The following GRM3 variants were observed in gnomAD, a reference collection of about 807,000 sequenced individuals.
GRM3 encodes metabotropic glutamate receptor 3.
A neutral mutation model predicts 70.5 loss-of-function variants in GRM3; 26 were observed. The ratio of observed to expected loss-of-function variants is 0.37; its 90% CI spans 0.27 to 0.51. GRM3 has a LOEUF of 0.51. GRM3 is among the 20% of genes least tolerant of loss of function. The pLI, the probability that GRM3 is intolerant of heterozygous loss-of-function variation, is 0.93. For synonymous variants in GRM3, 443 were observed against 434.9 expected, an observed-to-expected ratio of 1.02 and a Z score of -0.23; for missense variants, 859 against 1,123.8, an observed-to-expected ratio of 0.76 and a Z score of 3.37.
At chr7:86,722,442 A>T (rs1186888361) in intron 1 of GRM3, among the ~76,000 whole-genome samples, 1 of 152,076 alleles carries the variant, frequency 6.6e-6, no homozygotes, top group Admixed American at 6.6e-5. Context: ...ATGAGTTAAT[A>T]TCCTTTGCAG....
chr7:86,818,184 A>T (rs1798053448), intron 3 of GRM3, among the ~76,000 whole-genome samples: 1 of 152,080 alleles, frequency 6.6e-6, no homozygotes, highest in Non-Finnish European at 1.5e-5. Context: ...TTGTTCATTC[A>T]TAATGCAATT....
chr7:86,799,972 A>G (rs1464888903), intron 3 of GRM3, among the ~76,000 whole-genome samples: 1 of 152,188 alleles, frequency 6.6e-6, no homozygotes, highest in Non-Finnish European at 1.5e-5. Flanking sequence ...CTTGCATGCC[A>G]GAAGATTAAG....
intron 1 of GRM3, among the ~76,000 whole-genome samples, chr7:86,689,193 A>C (rs1239705003): frequency 6.6e-6 from 1 of 151,688 alleles, no homozygotes; most frequent in Non-Finnish European, 1.5e-5. Flanking sequence ...ATAAAATTAA[A>C]ATCTAAAGAT....
chr7:86,825,554 G>A (rs1030733430), intron 3 of GRM3, among the ~76,000 whole-genome samples: 4 of 152,124 alleles, frequency 2.6e-5, no homozygotes, highest in South Asian at 4.1e-4. Flanking sequence ...TTCTCTTTAC[G>A]TGATAGTACA....
chr7:86,644,571 C>T lies in GRM3; in HGVS notation c.-442C>T, dbSNP rs1013485467. Reference sequence around the variant, plus strand: ...CTCCTCCCTCTCTTCTACTCCACCCCTCCGTTTTCCCACTCCCCACTGACT... The same window carrying T: ...CTCCTCCCTCTCTTCTACTCCACCCTTCCGTTTTCCCACTCCCCACTGACT... On this transcript the variant is annotated 5_prime_UTR_variant, in exon 1 of 6. Transcript: ENST00000361669. 7.4e-6 allele frequency: 3 copies of T among 404,050 alleles called. No homozygotes were observed. The highest frequency in any genetic ancestry group is 6.1e-5 in the African/African-American group (3 of 48,910). 25.0% of individuals were successfully genotyped at this position (404,050 alleles called of 1,614,324 possible). A position where few individuals can be genotyped will look rare whatever the true frequency, so the allele number is the denominator to read the frequency against.
intron 5 of GRM3, among the ~76,000 whole-genome samples, chr7:86,856,661 T>C (rs1343653665): frequency 6.6e-6 from 1 of 152,108 alleles, no homozygotes; most frequent in Non-Finnish European, 1.5e-5. Context: ...TTTACTCCCT[T>C]TGTCATTGTC....
At chr7:86,726,683 A>G (rs1041916080) in intron 1 of GRM3, among the ~76,000 whole-genome samples, 2 of 152,154 alleles carry the variant, frequency 1.3e-5, no homozygotes, top group African/African-American at 4.8e-5. Flanking sequence ...CCTCATCTCA[A>G]ATAAGTTACT....
intron 3 of GRM3, among the ~76,000 whole-genome samples, chr7:86,835,153 AT>A (rs1279230277): frequency 3.3e-4 from 50 of 152,108 alleles, no homozygotes; most frequent in African/African-American, 1.1e-3. Flanking sequence ...GTATCAGGGG[AT>A]TTAATATATG....
intron 1 of GRM3, among the ~76,000 whole-genome samples, chr7:86,687,662 A>G (rs1794598289): frequency 6.6e-6 from 1 of 151,926 alleles, no homozygotes; most frequent in Admixed American, 6.6e-5. Context: ...TCATAGACAT[A>G]TAGAACTTTA....
intron 1 of GRM3, among the ~76,000 whole-genome samples, chr7:86,723,114 T>G (rs1795510819): frequency 6.6e-6 from 1 of 152,110 alleles, no homozygotes; most frequent in South Asian, 2.1e-4. Context: ...AATTAATAGA[T>G]AATATAGAAA....
chr7:86,761,703 A>T (rs1350510462), intron 1 of GRM3, among the ~76,000 whole-genome samples: 1 of 152,140 alleles, frequency 6.6e-6, no homozygotes, highest in Non-Finnish European at 1.5e-5. Flanking sequence ...AAACTGATAG[A>T]CACTGTTGCC....
rs1798386381 is a variant in GRM3, at chr7:86,833,108, GACTTA to G, written c.1325-5726_1325-5722del. 3 of 981,602 alleles carry G rather than the reference GACTTA, an allele frequency of 3.1e-6. No individual in the cohort carries two copies. The South Asian group carries it at 1.4e-4, about 46-fold the overall frequency. The allele number at this position is 981,602 out of a possible 1,614,324, so 60.8% of individuals were successfully genotyped here. A position where few individuals can be genotyped will look rare whatever the true frequency, so the allele number is the denominator to read the frequency against. ...CTGATGATGCTTACTCCCATGGTGA[GACTTA>G]ACTTGAGAAACAGCAAATTCCCTGG... On this transcript the variant is annotated intron_variant, in intron 3 of 5. Transcript: ENST00000361669.
intron 5 of GRM3, among the ~76,000 whole-genome samples, chr7:86,855,925 CATGACACT>C (rs1798837683): frequency 6.6e-6 from 1 of 152,188 alleles, no homozygotes; most frequent in African/African-American, 2.4e-5. Flanking sequence ...GGGAACCCCA[CATGACACT>C]ATGTACTAGC....
chr7:86,859,839 A>G (rs1245926028), intron 5 of GRM3, among the ~76,000 whole-genome samples: 1 of 152,206 alleles, frequency 6.6e-6, no homozygotes, highest in African/African-American at 2.4e-5. Flanking sequence ...CCCATGCATT[A>G]CTGGTGGAAG....
chr7:86,793,548 G>A (rs1797476122), intron 3 of GRM3, among the ~76,000 whole-genome samples: 2 of 152,178 alleles, frequency 1.3e-5, no homozygotes, highest in South Asian at 4.1e-4. Flanking sequence ...TAAATATCCT[G>A]TACTTCTTTC....
At chr7:86,764,550 G>T (rs1041437686) in intron 1 of GRM3, among the ~76,000 whole-genome samples, 3 of 152,030 alleles carry the variant, frequency 2.0e-5, no homozygotes, top group Non-Finnish European at 4.4e-5. Flanking sequence ...GTGTTTTCTT[G>T]TGTTTTAAAT....
chr7:86,713,063 T>C (rs558098966), intron 1 of GRM3, among the ~76,000 whole-genome samples: 30 of 152,224 alleles, frequency 2.0e-4, no homozygotes, highest in African/African-American at 6.7e-4. Flanking sequence ...CTATTCTTCA[T>C]AGCATCTGTA....
intron 1 of GRM3, among the ~76,000 whole-genome samples, chr7:86,683,215 T>C (rs933754395): frequency 6.6e-6 from 1 of 152,114 alleles, no homozygotes; most frequent in Non-Finnish European, 1.5e-5. Context: ...TGAGTAGATG[T>C]AGATAAGCAA....
intron 1 of GRM3, among the ~76,000 whole-genome samples, chr7:86,705,002 T>G (rs192532835): frequency 1.1e-4 from 16 of 152,056 alleles, no homozygotes; most frequent in African/African-American, 3.6e-4. Flanking sequence ...TAGGCAATAC[T>G]GACATAGGCA....
Sources: allele counts gnomAD v4.1 joint callset (sites outside exome capture counted in the v4.1 genomes callset), GRCh38; gene constraint gnomAD v4.1.1; transcripts MANE v1.5; gene names NCBI Gene and HGNC (gene_info 2026-07-23, HGNC 2026-07-21).